Variants in ARMC8 observed in about 807,000 individuals in gnomAD.
ARMC8 encodes the protein armadillo repeat-containing protein 8.
Under a neutral mutation model 99.3 loss-of-function variants are expected in ARMC8, and 20 were observed. The ratio of observed to expected loss-of-function variants is 0.20; its 90% CI spans 0.14 to 0.29. ARMC8 has a LOEUF of 0.29. Among genes scored for constraint, ARMC8 ranks in the 10% least tolerant of loss-of-function variants. The pLI, the probability that ARMC8 is intolerant of heterozygous loss-of-function variation, is 1.00. For synonymous variants in ARMC8, 263 were observed against 278.3 expected (o/e 0.95, Z 0.55); for missense variants, 569 against 809.5 (o/e 0.70, Z 3.60).
intron 16 of ARMC8, among the ~76,000 whole-genome samples, chr3:138,270,504 A>G (rs1225320664): frequency 2.6e-5 from 4 of 152,184 alleles, no homozygotes; most frequent in African/African-American, 9.7e-5. Flanking sequence ...TACCAACCAG[A>G]GAGTTCTTAC....
At chr3:138,242,323 A>G (rs878896853) in intron 11 of ARMC8, among the ~76,000 whole-genome samples, 2 of 152,120 alleles carry the variant, frequency 1.3e-5, no homozygotes, top group Admixed American at 1.3e-4. Context: ...TTACATTCTC[A>G]TTCTTTAGGT....
At chr3:138,251,788 T>C (rs1392924828) in intron 12 of ARMC8, among the ~76,000 whole-genome samples, 1 of 152,208 alleles carries the variant, frequency 6.6e-6, no homozygotes, top group Non-Finnish European at 1.5e-5. Context: ...AATGGAGATA[T>C]AAAATTGAGT....
At chr3:138,264,103 T>C (rs756339943) in intron 13 of ARMC8, 28 bp from the exon 14 acceptor site, 4 of 1,596,660 alleles carry the variant, frequency 2.5e-6, no homozygotes, top group Non-Finnish European at 3.4e-6. Flanking sequence ...TGATTTCTTG[T>C]GAAGCTAATT....
intron 13 of ARMC8, 29 bp from the exon 14 acceptor site, chr3:138,264,102 G>T (rs368111389): frequency 6.3e-7 from 1 of 1,595,196 alleles, no homozygotes; most frequent in Admixed American, 1.7e-5. Context: ...TTGATTTCTT[G>T]TGAAGCTAAT....
chr3:138,229,176 A>ATATG (rs1553758075), intron 6 of ARMC8, 166 bp downstream of exon 6: 6 of 35,780 alleles, frequency 1.7e-4, no homozygotes, highest in African/African-American at 5.2e-4. Flanking sequence ...ATATATATAT[A>ATATG]TATATATGTA....
chr3:138,189,502 A>G (rs1234921407), intron 1 of ARMC8, among the ~76,000 whole-genome samples: 1 of 152,234 alleles, frequency 6.6e-6, no homozygotes, highest in Non-Finnish European at 1.5e-5. Context: ...CATTCATCAG[A>G]AATTATCTTG....
chr3:138,298,169 C>G lies in ARMC8; in HGVS notation c.*2277C>G, dbSNP rs1167167589. ...ATTGTGTCTACACCCAAGTTCTTAA[C>G]TAAGCTTCTCGCTCTAATACTGCAT... On this transcript the variant is annotated 3_prime_UTR_variant, in exon 22 of 22. Coordinates refer to ENST00000469044, the MANE Select transcript of ARMC8 (RefSeq NM_001363941.2). 1 of 152,252 alleles carries G rather than the reference C, an allele frequency of 6.6e-6. No homozygotes were observed. The highest frequency in any genetic ancestry group is 1.5e-5 in the Non-Finnish European group (1 of 68,048). 9.4% of individuals were successfully genotyped at this position (152,252 alleles called of 1,614,324 possible).
intron 12 of ARMC8, among the ~76,000 whole-genome samples, chr3:138,252,625 T>G (rs929729847): frequency 6.6e-6 from 1 of 151,588 alleles, no homozygotes; most frequent in Admixed American, 6.6e-5. Context: ...GGCTAATTTT[T>G]TGTATTTTTA....
At chr3:138,253,809 T>C (rs1649616704) in intron 12 of ARMC8, among the ~76,000 whole-genome samples, 2 of 152,168 alleles carry the variant, frequency 1.3e-5, no homozygotes, top group South Asian at 4.1e-4. Context: ...AGACACTAAA[T>C]TGCTATGTAG....
intron 5 of ARMC8, 73 bp downstream of exon 5, chr3:138,223,806 C>T: frequency 2.4e-6 from 3 of 1,250,046 alleles, no homozygotes; most frequent in South Asian, 1.2e-5. Context: ...TTAGCATCTT[C>T]AGACTCATCA....
rs141069880 is a variant in ARMC8 at position 138,218,554 on chromosome 3, T to C, written c.123-3372T>C. On this transcript the variant is annotated intron_variant, in intron 2 of 21. Coordinates refer to ENST00000469044, the MANE Select transcript of ARMC8 (RefSeq NM_001363941.2). Reference sequence around the variant, plus strand: ...CATCTGCTTATCCAAGTCCTGACTATTGTCTAAGGTTTATCTTAGTTCTTA... The same window carrying C: ...CATCTGCTTATCCAAGTCCTGACTACTGTCTAAGGTTTATCTTAGTTCTTA... 1.1e-3 allele frequency among the ~76,000 whole-genome samples: 173 copies of C among 152,336 alleles called. 5 individuals carry two copies. In the East Asian group the frequency reaches 0.029, roughly 25 times the overall value.
chr3:138,227,864 G>A (rs2045774315), intron 5 of ARMC8, among the ~76,000 whole-genome samples: 1 of 152,188 alleles, frequency 6.6e-6, no homozygotes, highest in African/African-American at 2.4e-5. Flanking sequence ...TTCTTGAGAA[G>A]CATAACTTTT....
upstream of ARMC8, chr3:138,187,294 G>A (rs2043116134): frequency 4.7e-6 from 2 of 427,166 alleles, no homozygotes; most frequent in Non-Finnish European, 8.3e-6. Flanking sequence ...TGCGGAAACC[G>A]CTGCCCGCTT....
At chr3:138,235,007 A>G (rs1381701956) in intron 6 of ARMC8, 27 bp from the exon 7 acceptor site, 45 of 1,575,300 alleles carry the variant, frequency 2.9e-5, no homozygotes, top group Non-Finnish European at 3.8e-5. Flanking sequence ...TCTTCTAAAT[A>G]TATTGTTGTA....
At chr3:138,208,398 G>A (rs1186978840) in intron 1 of ARMC8, among the ~76,000 whole-genome samples, 5 of 152,190 alleles carry the variant, frequency 3.3e-5, no homozygotes, top group Admixed American at 6.5e-5. Flanking sequence ...CCCGAGAGGC[G>A]GAGGTTGCAA....
At chr3:138,220,423 G>A (rs1176429032) in intron 2 of ARMC8, among the ~76,000 whole-genome samples, 1 of 152,092 alleles carries the variant, frequency 6.6e-6, no homozygotes, top group East Asian at 1.9e-4. Context: ...GGTCAGGCCT[G>A]GAAAAAAAGC....
intron 18 of ARMC8, among the ~76,000 whole-genome samples, chr3:138,277,073 A>T (rs1420789310): frequency 2.6e-5 from 4 of 152,232 alleles, no homozygotes; most frequent in Non-Finnish European, 5.9e-5. Flanking sequence ...GCAAAAAAAG[A>T]TAGCACATAT....
At chr3:138,220,902 C>T (rs1235436997) in intron 2 of ARMC8, among the ~76,000 whole-genome samples, 2 of 152,030 alleles carry the variant, frequency 1.3e-5, no homozygotes, top group South Asian at 4.1e-4. Context: ...GTTGTTCAGT[C>T]TGATCTTGAA....
At chr3:138,210,513 T>G (rs2044632256) in intron 2 of ARMC8, among the ~76,000 whole-genome samples, 1 of 152,120 alleles carries the variant, frequency 6.6e-6, no homozygotes, top group Non-Finnish European at 1.5e-5. Flanking sequence ...GAGTTTCAGA[T>G]TATCATACTC....
Sources: allele counts gnomAD v4.1 joint callset (sites outside exome capture counted in the v4.1 genomes callset), GRCh38; gene constraint gnomAD v4.1.1; transcripts MANE v1.5; gene names NCBI Gene and HGNC (gene_info 2026-07-23, HGNC 2026-07-21).